FMN2: variants seen among roughly 807,000 people sequenced by gnomAD.
The protein encoded by FMN2 is formin 2, also known as formin-2.
FMN2 carries 51 observed loss-of-function variants against 142.3 expected under a neutral mutation model. The observed-to-expected ratio is 0.36, with a 90% confidence interval of 0.29 to 0.45. FMN2 has a LOEUF of 0.45. FMN2 is among the 20% of genes least tolerant of loss of function. The probability of loss-of-function intolerance (pLI) is 1.00; values close to 1 mark genes in which losing one functional copy is unlikely to be tolerated. For synonymous variants in FMN2, 882 were observed against 869.8 expected (o/e 1.01, Z -0.25); for missense variants, 1,936 against 2,122.8 (o/e 0.91, Z 1.73).
intron 15 of FMN2, among the ~76,000 whole-genome samples, chr1:240,425,895 A>G (rs1233991452): frequency 6.6e-6 from 1 of 152,222 alleles, no homozygotes; most frequent in African/African-American, 2.4e-5. Context: ...TGCCTGGCAT[A>G]TAGTTACTAC....
Position 240,329,039 on chromosome 1 carries a change from C to T in FMN2, c.4216-37C>T, listed in dbSNP as rs374959153. The T allele has an allele frequency of 2.7e-5, 43 of 1,586,028 alleles. No homozygotes were observed. In the African/African-American group the frequency reaches 4.0e-4, roughly 15 times the overall value. On this transcript the variant is annotated intron_variant, in intron 8 of 17. Coordinates refer to ENST00000319653, the MANE Select transcript of FMN2 (RefSeq NM_020066.5). ...TTATTATCTAAGGGATTCAGTTGGC[C>T]AGACTTTGAAAAACTATTTGGTTTT...
intron 8 of FMN2, among the ~76,000 whole-genome samples, chr1:240,301,384 T>C (rs1670190656): frequency 6.6e-6 from 1 of 151,870 alleles, no homozygotes; most frequent in Non-Finnish European, 1.5e-5. Context: ...GATTGTATTT[T>C]TAAATAATTA....
chr1:240,311,598 T>C (rs1366576084), intron 8 of FMN2, among the ~76,000 whole-genome samples: 2 of 152,266 alleles, frequency 1.3e-5, no homozygotes, highest in African/African-American at 2.4e-5. Flanking sequence ...CTCTATAAAC[T>C]TAATAAAAAA....
chr1:240,309,477 G>A (rs868374030), intron 8 of FMN2, among the ~76,000 whole-genome samples: 1 of 152,170 alleles, frequency 6.6e-6, no homozygotes, highest in Non-Finnish European at 1.5e-5. Flanking sequence ...TGGTGCAGGT[G>A]CACAGTGCGT....
chr1:240,364,337 TG>T (rs1343992608), intron 14 of FMN2, among the ~76,000 whole-genome samples: 89 of 152,106 alleles, frequency 5.9e-4, no homozygotes, highest in Non-Finnish European at 5.0e-4. Context: ...TGAAATCCCA[TG>T]TAAGATAATC....
intron 7 of FMN2, among the ~76,000 whole-genome samples, chr1:240,263,675 G>A (rs1668703724): frequency 6.6e-6 from 1 of 152,130 alleles, no homozygotes; most frequent in Non-Finnish European, 1.5e-5. Flanking sequence ...CTGAGGTGTG[G>A]TCTCTTAGAC....
intron 15 of FMN2, among the ~76,000 whole-genome samples, chr1:240,434,337 G>T (rs889332565): frequency 4.6e-5 from 7 of 152,060 alleles, no homozygotes; most frequent in Non-Finnish European, 8.8e-5. Context: ...AGATTTAAAA[G>T]AAGGAAATAA....
At chr1:240,128,413 G>A (rs1662597851) in intron 2 of FMN2, among the ~76,000 whole-genome samples, 1 of 152,176 alleles carries the variant, frequency 6.6e-6, no homozygotes, top group South Asian at 2.1e-4. Context: ...CAAGAGTTAA[G>A]CAAGTTTACT....
At position 240,207,446 on chromosome 1, in the gene FMN2, C is replaced by T. The variant is rs1369118118; in HGVS notation, c.2634C>T (p.Pro878=). 3.1e-6 allele frequency: 5 copies of T among 1,613,426 alleles called. No individual in the cohort carries two copies. The highest frequency in any genetic ancestry group is 4.2e-6 in the Non-Finnish European group (5 of 1,179,700). The change falls in exon 5 of 18, where the codon CCC becomes CCT. Residue 878 remains proline (P), a synonymous_variant. Coordinates refer to ENST00000319653, the MANE Select transcript of FMN2 (RefSeq NM_020066.5). ...TGCCTGGCCTGGGCATGGTGCCTCC[C>T]CCACCTCCCCCTCTCCCTGGCATGA... ...SSMPGLGMVP[P]PPPPLPGMTV...
intron 6 of FMN2, among the ~76,000 whole-genome samples, chr1:240,223,343 C>T (rs376041769): frequency 1.3e-5 from 2 of 152,126 alleles, no homozygotes; most frequent in African/African-American, 4.8e-5. Flanking sequence ...CAAATTTGAT[C>T]ATGGTGGATA....
intron 2 of FMN2, among the ~76,000 whole-genome samples, chr1:240,148,746 C>T (rs1374838652): frequency 6.6e-5 from 10 of 152,096 alleles, no homozygotes; most frequent in East Asian, 1.9e-4. Context: ...TTTGGGAGGC[C>T]GAGGCGGGCG....
intron 2 of FMN2, among the ~76,000 whole-genome samples, chr1:240,133,562 T>C (rs1662824423): frequency 6.6e-6 from 1 of 152,222 alleles, no homozygotes; most frequent in Non-Finnish European, 1.5e-5. Flanking sequence ...TTCCCACTTC[T>C]ACCTCTCCTG....
chr1:240,422,997 C>CTTACCCTG (rs1674824005), intron 15 of FMN2, among the ~76,000 whole-genome samples: 2 of 152,118 alleles, frequency 1.3e-5, no homozygotes, highest in Non-Finnish European at 2.9e-5. Flanking sequence ...TCTGAGGTCA[C>CTTACCCTG]AATTACCCTG....
At chr1:240,170,887 T>C (rs1664675488) in intron 2 of FMN2, 4 of 798,560 alleles carry the variant, frequency 5.0e-6, no homozygotes, top group Non-Finnish European at 9.2e-6. Context: ...AGCCACTGAA[T>C]GTATGAACCG....
chr1:240,244,430 C>T (rs925820252), intron 6 of FMN2, among the ~76,000 whole-genome samples: 4 of 152,124 alleles, frequency 2.6e-5, no homozygotes, highest in African/African-American at 7.2e-5. Context: ...GCTAATATTC[C>T]ATGTGACACA....
chr1:240,307,131 G>C (rs922997986), intron 8 of FMN2, among the ~76,000 whole-genome samples: 1 of 152,110 alleles, frequency 6.6e-6, no homozygotes, highest in Non-Finnish European at 1.5e-5. Flanking sequence ...ATCCCTTATA[G>C]ATTCTGGATA....
chr1:240,168,010 C>T (rs1664549018), intron 2 of FMN2, among the ~76,000 whole-genome samples: 1 of 152,078 alleles, frequency 6.6e-6, no homozygotes, highest in African/African-American at 2.4e-5. Context: ...AAGATTGCGC[C>T]ACCGCACTCT....
intron 2 of FMN2, among the ~76,000 whole-genome samples, chr1:240,141,344 TTTTATTTA>T: frequency 6.6e-6 from 1 of 150,528 alleles, no homozygotes; most frequent in South Asian, 2.1e-4. Context: ...GGCAACGGTA[TTTTATTTA>T]TTTATTTATT....
chr1:240,340,798 G>A (rs148714740), intron 13 of FMN2, among the ~76,000 whole-genome samples: 2 of 151,890 alleles, frequency 1.3e-5, no homozygotes, highest in African/African-American at 4.8e-5. Flanking sequence ...GGCTTTCCTT[G>A]GATAAGTATG....
Sources: allele counts gnomAD v4.1 joint callset (sites outside exome capture counted in the v4.1 genomes callset), GRCh38; gene constraint gnomAD v4.1.1; transcripts MANE v1.5; gene names NCBI Gene and HGNC (gene_info 2026-07-23, HGNC 2026-07-21).